RIT2: variants seen among roughly 807,000 people sequenced by gnomAD.
The protein encoded by RIT2 is Ras like without CAAX 2.
In RIT2, 24 loss-of-function variants were observed where a neutral mutation model predicts 23.7. The observed-to-expected ratio is 1.01, with a 90% CI of 0.73 to 1.43. The LOEUF (loss-of-function observed/expected upper bound fraction) is 1.43. Among genes scored for constraint, RIT2 ranks in the 40% most tolerant of loss-of-function variants. RIT2 has a pLI of 0.00. For missense variants in RIT2, 236 were observed against 266.9 expected, an observed-to-expected ratio of 0.88 and a Z score of 0.81; for synonymous variants, 107 against 91.1, an observed-to-expected ratio of 1.17 and a Z score of -0.99.
At chr18:42,763,461 C>A (rs201665943) in intron 4 of RIT2, among the ~76,000 whole-genome samples, 209 of 137,538 alleles carry the variant, frequency 1.5e-3, no homozygotes, top group Admixed American at 2.0e-3. Context: ...GACTCCGTCT[C>A]AAAAAAAAAA....
chr18:42,870,432 G>T (rs1907592075), intron 4 of RIT2, among the ~76,000 whole-genome samples: 1 of 151,972 alleles, frequency 6.6e-6, no homozygotes, highest in Non-Finnish European at 1.5e-5. Context: ...GTAGAGACAG[G>T]GTTTCACTAT....
intron 3 of RIT2, among the ~76,000 whole-genome samples, chr18:42,953,584 A>G (rs1192132873): frequency 6.6e-6 from 1 of 152,086 alleles, no homozygotes; most frequent in Non-Finnish European, 1.5e-5. Flanking sequence ...AATAACAGGA[A>G]CCCCTTATTT....
chr18:42,960,348 C>T (rs189678592), intron 3 of RIT2, among the ~76,000 whole-genome samples: 138 of 152,234 alleles, frequency 9.1e-4, no homozygotes, highest in Non-Finnish European at 1.5e-3. Context: ...CTCGCTCTGT[C>T]GCCAAGGTTG....
intron 2 of RIT2, among the ~76,000 whole-genome samples, chr18:42,982,823 C>T (rs1041846963): frequency 2.6e-5 from 4 of 151,796 alleles, no homozygotes; most frequent in African/African-American, 9.7e-5. Flanking sequence ...TTATACAATA[C>T]TAATGAAAGA....
At chr18:43,053,606 C>T (rs913233269) in intron 1 of RIT2, among the ~76,000 whole-genome samples, 5 of 151,938 alleles carry the variant, frequency 3.3e-5, no homozygotes, top group Admixed American at 2.6e-4. Flanking sequence ...GGAAGGGACT[C>T]AATATTTTTA....
intron 3 of RIT2, among the ~76,000 whole-genome samples, chr18:42,951,580 A>C (rs1909852712): frequency 6.8e-6 from 1 of 146,206 alleles, no homozygotes; most frequent in African/African-American, 2.7e-5. Flanking sequence ...ATCTAAAATA[A>C]AAGTTAAAAA....
intron 4 of RIT2, among the ~76,000 whole-genome samples, chr18:42,842,481 A>G (rs753173463): frequency 1.9e-4 from 29 of 152,268 alleles, no homozygotes; most frequent in Non-Finnish European, 1.2e-4. Context: ...CAGTATAAGA[A>G]AGTGTATTAA....
chr18:43,105,502 G>GAGGA (rs1336223919), intron 1 of RIT2, among the ~76,000 whole-genome samples: 129 of 57,312 alleles, frequency 2.3e-3, no homozygotes, highest in East Asian at 0.014. Context: ...GGAAGAAAGG[G>GAGGA]AGGGAGGGAG....
At chr18:42,804,910 C>T (rs986937290) in intron 4 of RIT2, among the ~76,000 whole-genome samples, 1 of 152,134 alleles carries the variant, frequency 6.6e-6, no homozygotes, top group Non-Finnish European at 1.5e-5. Context: ...AGTGTGAGGC[C>T]ATTGGAAAGG....
chr18:43,058,512 G>A (rs1912562845), intron 1 of RIT2, among the ~76,000 whole-genome samples: 1 of 152,108 alleles, frequency 6.6e-6, no homozygotes, highest in Admixed American at 6.6e-5. Context: ...GTCCTTGTGT[G>A]TGTATGTGAG....
chr18:42,786,152 G>A (rs1913917879), intron 4 of RIT2, among the ~76,000 whole-genome samples: 1 of 152,262 alleles, frequency 6.6e-6, no homozygotes, highest in African/African-American at 2.4e-5. Context: ...AATGGTCCTA[G>A]AGATATAACT....
At chr18:42,914,211 G>A (rs926677539) in intron 4 of RIT2, among the ~76,000 whole-genome samples, 5 of 151,992 alleles carry the variant, frequency 3.3e-5, no homozygotes, top group African/African-American at 1.2e-4. Flanking sequence ...TAAAATAATA[G>A]AGCCATTCTG....
intron 4 of RIT2, among the ~76,000 whole-genome samples, chr18:42,766,971 G>T (rs1913437811): frequency 6.6e-6 from 1 of 152,202 alleles, no homozygotes; most frequent in Admixed American, 6.5e-5. Context: ...CCTCCGCCTA[G>T]ATTTCAGAAG....
chr18:43,081,012 C>T (rs563569250), intron 1 of RIT2, among the ~76,000 whole-genome samples: 1 of 152,104 alleles, frequency 6.6e-6, no homozygotes, highest in African/African-American at 2.4e-5. Flanking sequence ...TCTAAATGAA[C>T]CTGAAAGTTT....
At chr18:43,078,968 A>G (rs998816011) in intron 1 of RIT2, among the ~76,000 whole-genome samples, 2 of 152,240 alleles carry the variant, frequency 1.3e-5, no homozygotes, top group African/African-American at 4.8e-5. Context: ...GTAATTAAAT[A>G]AAATTCCAGT....
At chr18:42,959,128 T>G (rs1598730264) in intron 3 of RIT2, among the ~76,000 whole-genome samples, 1 of 152,328 alleles carries the variant, frequency 6.6e-6, no homozygotes, top group East Asian at 1.9e-4. Flanking sequence ...CCATCTCTGC[T>G]TTGTTCCTAC....
Position 43,115,623 on chromosome 18 carries a change from A to G in RIT2, c.-104T>C. 4 of 1,461,124 alleles carry G rather than the reference A, an allele frequency of 2.7e-6. No individual in the cohort carries two copies. In the South Asian group the frequency reaches 4.3e-5, roughly 16 times the overall value. The allele number at this position is 1,461,124 out of a possible 1,614,324, so 90.5% of individuals were successfully genotyped here. On this transcript the variant is annotated 5_prime_UTR_variant, in exon 1 of 5. The change abolishes the stop of an existing upstream ORF in the 5' untranslated region. Coordinates refer to ENST00000326695, the MANE Select transcript of RIT2 (RefSeq NM_002930.4). ...AAAACTGTGTCAAAGCAAAGGTTTT[A>G]GTACGAGGTAAGAACCATCAGCGTC...
chr18:42,820,257 T>C (rs1598667488), intron 4 of RIT2, among the ~76,000 whole-genome samples: 1 of 152,180 alleles, frequency 6.6e-6, no homozygotes, highest in East Asian at 1.9e-4. Flanking sequence ...AATCACTACA[T>C]TTAAAGCATC....
chr18:42,962,787 T>A (rs894089621), intron 3 of RIT2, among the ~76,000 whole-genome samples: 3 of 152,242 alleles, frequency 2.0e-5, no homozygotes, highest in Non-Finnish European at 4.4e-5. Context: ...ATGGTCATTA[T>A]CATTTTCATT....
Sources: allele counts gnomAD v4.1 joint callset (sites outside exome capture counted in the v4.1 genomes callset), GRCh38; gene constraint gnomAD v4.1.1; transcripts MANE v1.5; gene names NCBI Gene and HGNC (gene_info 2026-07-23, HGNC 2026-07-21).